The following ATP6V0A4 variants were observed in gnomAD, a reference collection of about 807,000 sequenced individuals.
ATP6V0A4 encodes ATPase H+ transporting V0 subunit a4.
ATP6V0A4 carries 86 observed loss-of-function variants against 107.3 expected under a neutral mutation model. That is an observed-to-expected ratio of 0.80 (90% CI 0.67 to 0.96). The LOEUF (loss-of-function observed/expected upper bound fraction) is 0.96, where lower values mean the gene tolerates loss of function less well. Among genes scored for constraint, ATP6V0A4 ranks in the 40% least tolerant of loss-of-function variants. ATP6V0A4 has a pLI of 0.00. For synonymous variants in ATP6V0A4, 353 were observed against 381.4 expected (o/e 0.93, Z 0.87); for missense variants, 908 against 1,045.6 (o/e 0.87, Z 1.81).
At position 138,732,995 on chromosome 7, in the gene ATP6V0A4, T is replaced by C. The variant is rs1008127519; in HGVS notation, c.1790A>G (p.Lys597Arg). ...TACATGGACGTCAAAGCAGCACCATTTGAAAATGATCATGAAAACCAGGTA... is the reference window on the plus strand; with the variant it reads ...TACATGGACGTCAAAGCAGCACCATCTGAAAATGATCATGAAAACCAGGTA... The part of the protein sequence containing the change: ...FGYLVFMIIF[K>R]WCCFDVHVSQ... The change falls in exon 17 of 22, where the codon AAA (lysine) becomes AGA (arginine). Residue 597 changes from lysine (K) to arginine (R), a missense_variant. Lys to Arg is a conservative substitution (Grantham distance 26). Transcript: ENST00000310018. 3 of 1,613,894 alleles carry C rather than the reference T, an allele frequency of 1.9e-6. No homozygotes were observed. Among genetic ancestry groups the C allele is most frequent in the Non-Finnish European group, 2.5e-6 (3 of 1,180,004 alleles).
intron 2 of ATP6V0A4, among the ~76,000 whole-genome samples, chr7:138,775,577 AG>A (rs2117348870): frequency 1.3e-5 from 2 of 150,930 alleles, no homozygotes; most frequent in East Asian, 3.9e-4. Flanking sequence ...CCTGGGCTCA[AG>A]TGATCCTCCC....
chr7:138,709,306 T>C (rs1479900178), intron 21 of ATP6V0A4, among the ~76,000 whole-genome samples: 3 of 150,686 alleles, frequency 2.0e-5, no homozygotes, highest in African/African-American at 7.3e-5. Context: ...TACTTGGAAA[T>C]GTCACTTGGG....
At chr7:138,784,306 A>ACC (rs1808080204) in intron 2 of ATP6V0A4, among the ~76,000 whole-genome samples, 1 of 126,012 alleles carries the variant, frequency 7.9e-6, no homozygotes, top group African/African-American at 3.4e-5. Flanking sequence ...ACACACACAC[A>ACC]CATATATATA....
chr7:138,717,908 GGAAAA>G (rs71974639), intron 19 of ATP6V0A4, among the ~76,000 whole-genome samples: 33,231 of 72,162 alleles, frequency 0.46, 4,288 homozygotes, highest in Admixed American at 0.56. Context: ...ACTCTGTCTC[GGAAAA>G]AAAAAAAAAA....
At chr7:138,764,241 G>A (rs1018811631) in intron 5 of ATP6V0A4, among the ~76,000 whole-genome samples, 6 of 151,910 alleles carry the variant, frequency 3.9e-5, no homozygotes, top group Admixed American at 2.0e-4. Flanking sequence ...GGAGATGGAG[G>A]AGGGGTGAGG....
chr7:138,755,782 C>T lies in ATP6V0A4; in HGVS notation c.723G>A (p.Gly241=), dbSNP rs1806484767. 1 of 1,612,636 alleles carries T rather than the reference C, an allele frequency of 6.2e-7. No homozygotes were observed. The change falls in exon 10 of 22, where the codon GGG becomes GGA. Residue 241 remains glycine (G), a splice_region_variant and synonymous_variant. Coordinates refer to ENST00000310018, the MANE Select transcript of ATP6V0A4 (RefSeq NM_020632.3). ...LRQKIKKICD[G]FRATVYPCPE... is the part of the protein sequence containing the mutation. ...GGCAAGGGTAGACAGTGGCTCGAAA[C>T]CTGTGTTTAATATATTCCAAAGGAA... is the stretch of plus-strand genomic sequence containing the variant.
At chr7:138,769,914 C>CA (rs1369195957) in intron 3 of ATP6V0A4, among the ~76,000 whole-genome samples, 2 of 151,946 alleles carry the variant, frequency 1.3e-5, no homozygotes, top group African/African-American at 2.4e-5. Context: ...CTCATCTCTA[C>CA]AAAAAATTAC....
At chr7:138,708,017 T>TTTTATTTATTTATTTA (rs377141085) in intron 21 of ATP6V0A4, among the ~76,000 whole-genome samples, 16 of 139,954 alleles carry the variant, frequency 1.1e-4, no homozygotes, top group Non-Finnish European at 2.2e-4. Flanking sequence ...TTATGTTTTA[T>TTTTATTTATTTATTTA]TTTATTTATT....
At chr7:138,755,896 T>G (rs1279062828) in intron 9 of ATP6V0A4, 114 bp from the exon 10 acceptor site, 2 of 1,531,336 alleles carry the variant, frequency 1.3e-6, no homozygotes, top group Non-Finnish European at 1.8e-6. Context: ...CAGCCTATCC[T>G]AGAATAACTG....
At chr7:138,722,744 CAAAAAAAAAAAAAAAA>C (rs71169049) in intron 18 of ATP6V0A4, among the ~76,000 whole-genome samples, 1 of 33,466 alleles carries the variant, frequency 3.0e-5, no homozygotes, top group Non-Finnish European at 5.0e-5. Flanking sequence ...GACTCCATCT[CAAAAAAAAAAAAAAAA>C]AAAAAAAAAA....
At chr7:138,719,395 C>T (rs1804315406) in intron 19 of ATP6V0A4, among the ~76,000 whole-genome samples, 1 of 152,072 alleles carries the variant, frequency 6.6e-6, no homozygotes. Context: ...TCTGGCCACA[C>T]CAGAAAGACC....
At chr7:138,768,606 C>A (rs575673656) in intron 5 of ATP6V0A4, among the ~76,000 whole-genome samples, 174 bp downstream of exon 5, 1 of 152,122 alleles carries the variant, frequency 6.6e-6, no homozygotes, top group Admixed American at 6.6e-5. Flanking sequence ...CTCTAAAAAC[C>A]GCACACTGGG....
chr7:138,752,907 G>T, intron 10 of ATP6V0A4, 70 bp from the exon 11 acceptor site: 2 of 1,586,984 alleles, frequency 1.3e-6, no homozygotes, highest in Non-Finnish European at 1.7e-6. Context: ...GCCAAAAATG[G>T]AGTGTCACAG....
intron 5 of ATP6V0A4, among the ~76,000 whole-genome samples, chr7:138,765,447 A>G (rs1807037978): frequency 6.6e-6 from 1 of 152,218 alleles, no homozygotes; most frequent in East Asian, 1.9e-4. Context: ...GCTGCATGAG[A>G]ATAAAGCCTG....
At chr7:138,734,777 CAAAAAA>C (rs528307650) in intron 15 of ATP6V0A4, among the ~76,000 whole-genome samples, 7 of 108,974 alleles carry the variant, frequency 6.4e-5, no homozygotes, top group East Asian at 3.1e-4. Flanking sequence ...GACTCTGTCT[CAAAAAA>C]AAAAAAAAAA....
chr7:138,750,742 C>T (rs1462126653), intron 11 of ATP6V0A4, among the ~76,000 whole-genome samples: 2 of 152,230 alleles, frequency 1.3e-5, no homozygotes, highest in Admixed American at 6.5e-5. Flanking sequence ...GGACGCACCC[C>T]CGCCCTGCTC....
chr7:138,731,935 A>AATAT (rs1181017159), intron 17 of ATP6V0A4, among the ~76,000 whole-genome samples: 1 of 151,242 alleles, frequency 6.6e-6, no homozygotes, highest in Non-Finnish European at 1.5e-5. Flanking sequence ...TAAATAAATA[A>AATAT]ATAAATAAAA....
chr7:138,776,779 G>A (rs990249509), intron 2 of ATP6V0A4, among the ~76,000 whole-genome samples: 6 of 152,188 alleles, frequency 3.9e-5, no homozygotes, highest in African/African-American at 1.2e-4. Flanking sequence ...TTTACCATGC[G>A]TGACCTTGGG....
In ATP6V0A4 at chr7:138,709,700, A is replaced by T; in HGVS notation, c.2353T>A (p.Phe785Ile). The change falls in exon 21 of 22, where the codon TTT becomes ATT. Residue 785 changes from phenylalanine (F) to isoleucine (I), a missense_variant. Coordinates refer to ENST00000310018, the MANE Select transcript of ATP6V0A4 (RefSeq NM_020632.3). ...AGGATGGCTACTGTCAGGACAGCAA[A>T]TACGGCAAAAATAATAAAAACCCCG... ...IVGVFIIFAV[F>I]AVLTVAILLI... 1 of 1,613,912 alleles carries T rather than the reference A, an allele frequency of 6.2e-7. No homozygotes were observed. Among genetic ancestry groups the T allele is most frequent in the Non-Finnish European group, 8.5e-7 (1 of 1,179,924 alleles).
Sources: allele counts gnomAD v4.1 joint callset (sites outside exome capture counted in the v4.1 genomes callset), GRCh38; gene constraint gnomAD v4.1.1; transcripts MANE v1.5; gene names NCBI Gene and HGNC (gene_info 2026-07-23, HGNC 2026-07-21).